ZFAT: variants seen among roughly 807,000 people sequenced by gnomAD.
The protein encoded by ZFAT is zinc finger protein ZFAT.
ZFAT carries 64 observed loss-of-function variants against 117.7 expected under a neutral mutation model. That is an observed-to-expected ratio of 0.54 (90% confidence interval 0.44 to 0.67). The LOEUF is 0.67. Ranked by LOEUF, ZFAT falls within the 30% of genes least tolerant of loss-of-function variation. The pLI is 0.00. For missense variants in ZFAT, 1,433 were observed against 1,584.5 expected (o/e 0.90, Z 1.62); for synonymous variants, 679 against 615.0 (o/e 1.10, Z -1.54).
chr8:134,577,184 GC>G (rs1825375797), intron 10 of ZFAT, among the ~76,000 whole-genome samples: 1 of 152,140 alleles, frequency 6.6e-6, no homozygotes, highest in Non-Finnish European at 1.5e-5. Context: ...GTTTAATCGA[GC>G]CCTTTATAGA....
At chr8:134,496,698 C>T (rs966554697) in intron 15 of ZFAT, among the ~76,000 whole-genome samples, 1 of 152,246 alleles carries the variant, frequency 6.6e-6, no homozygotes, top group African/African-American at 2.4e-5. Context: ...TCTCATGGAG[C>T]TTCCAGTTTG....
At chr8:134,805,161 C>T in the ZFAT span, among the ~76,000 whole-genome samples, 3 of 152,296 alleles carry the variant, frequency 2.0e-5, no homozygotes, top group African/African-American at 4.8e-5. Context: ...ATACGCATTA[C>T]AAATTTATCT....
intron 7 of ZFAT, chr8:134,600,194 T>G: frequency 1.8e-6 from 1 of 547,288 alleles, no homozygotes; most frequent in East Asian, 3.1e-5. Context: ...CTTTATCTGA[T>G]GCTAAAAAAA....
At chr8:134,819,498 C>CA in the ZFAT span, among the ~76,000 whole-genome samples, 8 of 31,210 alleles carry the variant, frequency 2.6e-4, no homozygotes, top group Non-Finnish European at 4.9e-4. Flanking sequence ...GATTTACCAC[C>CA]CCCCCCCCCC....
At chr8:134,606,515 G>A (rs2130950860) in intron 5 of ZFAT, among the ~76,000 whole-genome samples, 1 of 152,220 alleles carries the variant, frequency 6.6e-6, no homozygotes, top group East Asian at 1.9e-4. Flanking sequence ...AAGAGTTCAA[G>A]AACAGCCTGG....
intron 2 of ZFAT, among the ~76,000 whole-genome samples, chr8:134,657,030 G>C (rs2467025): frequency 1.3e-5 from 2 of 152,154 alleles, no homozygotes; most frequent in African/African-American, 4.8e-5. Flanking sequence ...AGGTTTATAG[G>C]AACAGTTGGA....
At chr8:134,781,031 GT>G in the ZFAT span, among the ~76,000 whole-genome samples, 199 of 151,954 alleles carry the variant, frequency 1.3e-3, no homozygotes, top group African/African-American at 4.5e-3. Context: ...GTTTTGTGGG[GT>G]TTTTTTTGGA....
chr8:134,686,477 A>G (rs1427551610), intron 1 of ZFAT, among the ~76,000 whole-genome samples: 1 of 152,178 alleles, frequency 6.6e-6, no homozygotes, highest in Non-Finnish European at 1.5e-5. Flanking sequence ...TCCTATGCAT[A>G]TTTCTCTACA....
intron 15 of ZFAT, among the ~76,000 whole-genome samples, chr8:134,509,340 A>G (rs1460745624): frequency 2.0e-5 from 3 of 151,756 alleles, no homozygotes; most frequent in Non-Finnish European, 4.4e-5. Flanking sequence ...CATCATGCTC[A>G]TTTTCACTCT....
At chr8:134,733,150 A>G in the ZFAT span, among the ~76,000 whole-genome samples, 32 of 152,302 alleles carry the variant, frequency 2.1e-4, no homozygotes, top group Middle Eastern at 6.8e-3. Flanking sequence ...CTAATGCTAT[A>G]AAAATTAGGT....
rs769226586 is a variant in ZFAT, at chr8:134,478,708, T to G, written c.3506A>C (p.Glu1169Ala). 5.1e-6 allele frequency: 8 copies of G among 1,566,346 alleles called. No homozygotes were observed. Among genetic ancestry groups the G allele is most frequent in the Non-Finnish European group, 6.9e-6 (8 of 1,155,654 alleles). ...CATGACCGTGTGGTTGGAGCTGGGC[T>G]CCTCCTCGGTGACCTGCGGGAGGAG... is the stretch of plus-strand genomic sequence containing the variant. The part of the protein sequence containing the change: ...VTVVKQVTEE[E>A]PSSNHTVMIQ... Residue 1169 changes from glutamate to alanine, a missense_variant, in exon 16 of 16, where the codon GAG (glutamate) becomes GCG (alanine). Physicochemically the swap from Glu to Ala is moderately radical, Grantham distance 107 (BLOSUM62 -1). Around this residue, in one of 5 missense-constraint regions of ZFAT, gnomAD observed 503 missense variants for 543.4 expected, o/e 0.93. Coordinates refer to ENST00000377838, the MANE Select transcript of ZFAT (RefSeq NM_020863.4). The surrounding 1 kb of genome is among the most constrained non-coding windows in gnomAD (Gnocchi z 5.2).
intron 1 of ZFAT, among the ~76,000 whole-genome samples, chr8:134,672,690 C>T (rs1468383490): frequency 6.6e-6 from 1 of 152,172 alleles, no homozygotes; most frequent in Non-Finnish European, 1.5e-5. Flanking sequence ...GATTTATCAT[C>T]ATATACAATG....
intron 11 of ZFAT, among the ~76,000 whole-genome samples, chr8:134,541,958 T>G (rs1457940321): frequency 2.0e-5 from 3 of 152,256 alleles, no homozygotes; most frequent in Non-Finnish European, 2.9e-5. Flanking sequence ...CACCTTCTAC[T>G]GGAGGTCCTG....
At chr8:134,504,002 C>T (rs1458963873) in intron 15 of ZFAT, among the ~76,000 whole-genome samples, 4 of 152,096 alleles carry the variant, frequency 2.6e-5, no homozygotes, top group South Asian at 4.1e-4. Flanking sequence ...ACAAACACAA[C>T]GTATTTCTTA....
chr8:134,581,260 C>A (rs904156103), intron 10 of ZFAT, among the ~76,000 whole-genome samples: 8 of 151,626 alleles, frequency 5.3e-5, no homozygotes, highest in African/African-American at 1.9e-4. Context: ...CAAGCCAGTC[C>A]CAGGCAAAAC....
chr8:134,819,472 G>A, the ZFAT span, among the ~76,000 whole-genome samples: 1 of 139,402 alleles, frequency 7.2e-6, no homozygotes, highest in African/African-American at 2.6e-5. Context: ...ACAATGAAAC[G>A]CCATGAGAAC....
intron 1 of ZFAT, among the ~76,000 whole-genome samples, chr8:134,660,077 G>A (rs1326850907): frequency 6.6e-6 from 1 of 152,200 alleles, no homozygotes; most frequent in Non-Finnish European, 1.5e-5. Context: ...AGAGATTAGA[G>A]TAATACATTT....
chr8:134,519,549 T>C (rs1322676987), intron 13 of ZFAT, among the ~76,000 whole-genome samples: 1 of 152,260 alleles, frequency 6.6e-6, no homozygotes, highest in Non-Finnish European at 1.5e-5. Context: ...GTTGATATTT[T>C]AATCTGCTGC....
the ZFAT span, chr8:134,791,974 C>A: frequency 6.6e-6 from 1 of 152,062 alleles, no homozygotes; most frequent in Non-Finnish European, 1.5e-5. Context: ...CTAGCTGATA[C>A]ACTTTGAAGA....
Sources: gnomAD v4.1 joint callset for allele counts (sites outside exome capture counted in the v4.1 genomes callset) on GRCh38, gnomAD v4.1.1 for gene constraint, gnomAD v4.1.1 regional missense constraint, Gnocchi (gnomAD v3.1) non-coding constraint, MANE v1.5 for transcripts, NCBI Gene and HGNC (gene_info 2026-07-23, HGNC 2026-07-21) for gene names.